STAU1: variants seen among roughly 807,000 people sequenced by gnomAD.
STAU1 encodes staufen double-stranded RNA binding protein 1.
In STAU1, 13 loss-of-function variants were observed where a neutral mutation model predicts 62.9. The ratio of observed to expected loss-of-function variants is 0.21; its 90% CI spans 0.13 to 0.33. The LOEUF is 0.33. STAU1 is among the 10% of genes least tolerant of loss of function. The pLI is 1.00. For missense variants in STAU1, 571 were observed against 712.1 expected (o/e 0.80, Z 2.25); for synonymous variants, 269 against 265.1 (o/e 1.01, Z -0.14).
intron 4 of STAU1, among the ~76,000 whole-genome samples, chr20:49,153,279 G>A (rs1434882120): frequency 1.5e-5 from 2 of 133,268 alleles, no homozygotes; most frequent in Admixed American, 7.5e-5. Flanking sequence ...GAAGCACAAA[G>A]GGCCGGGTGT....
At chr20:49,157,181 A>G (rs1385927220) in intron 3 of STAU1, among the ~76,000 whole-genome samples, 1 of 151,960 alleles carries the variant, frequency 6.6e-6, no homozygotes, top group Non-Finnish European at 1.5e-5. Context: ...CCAGCCTCAA[A>G]ATTCTCTTCC....
intron 1 of STAU1, among the ~76,000 whole-genome samples, chr20:49,178,214 C>CT (rs1205112747): frequency 6.6e-6 from 1 of 152,190 alleles, no homozygotes; most frequent in African/African-American, 2.4e-5. Flanking sequence ...ATATGCAAAT[C>CT]TATTTTTTGA....
chr20:49,157,590 C>T (rs748858914), intron 3 of STAU1, among the ~76,000 whole-genome samples: 21 of 152,118 alleles, frequency 1.4e-4, no homozygotes, highest in Admixed American at 2.6e-4. Flanking sequence ...AGCGATTCTC[C>T]TGCCTCAGCC....
chr20:49,160,120 T>A (rs555251244), intron 3 of STAU1, among the ~76,000 whole-genome samples: 2 of 152,196 alleles, frequency 1.3e-5, no homozygotes, highest in Non-Finnish European at 2.9e-5. Context: ...GTGGGTATTA[T>A]CCCTGTTTTA....
At position 49,170,072 on chromosome 20, in the gene STAU1, A is replaced by G. The variant is rs576467268; in HGVS notation, c.-84-3787T>C. On this transcript the variant is annotated intron_variant, in intron 2 of 13. Transcript: ENST00000371856. Reference sequence around the variant, plus strand: ...AGGAGAATCTGGGCACATGAGCGCTACGAAAGTTTTTTTTAAATTATACAT... The same window carrying G: ...AGGAGAATCTGGGCACATGAGCGCTGCGAAAGTTTTTTTTAAATTATACAT... 2.0e-5 allele frequency among the ~76,000 whole-genome samples: 3 copies of G among 152,282 alleles called. No individual in the cohort carries two copies. In the East Asian group the frequency reaches 5.8e-4, roughly 29 times the overall value.
chr20:49,126,577 A>AAAAAAAAAC (rs1555837193), intron 6 of STAU1, among the ~76,000 whole-genome samples: 3 of 35,070 alleles, frequency 8.6e-5, no homozygotes, highest in African/African-American at 2.9e-4. Context: ...CAAAAAGCAA[A>AAAAAAAAAC]AAAAAAAAAA....
chr20:49,149,726 C>T lies in STAU1; in HGVS notation c.510+1856G>A, dbSNP rs1013900551. Among the ~76,000 whole-genome samples, 7 of 152,124 alleles carry T rather than the reference C, an allele frequency of 4.6e-5. No homozygotes were observed. In the East Asian group the frequency reaches 1.3e-3, roughly 29 times the overall value. On this transcript the variant is annotated intron_variant, in intron 5 of 13. Coordinates refer to ENST00000371856, the MANE Select transcript of STAU1 (RefSeq NM_017453.4). ...TCTTTGATTTGGTCCTTAGTGAGCCCTGGAAACAGATCATCTGTTAGAATA... is the reference window on the plus strand; with the variant it reads ...TCTTTGATTTGGTCCTTAGTGAGCCTTGGAAACAGATCATCTGTTAGAATA...
At chr20:49,213,854 T>G in the STAU1 span, among the ~76,000 whole-genome samples, 8 of 152,204 alleles carry the variant, frequency 5.3e-5, no homozygotes, top group Non-Finnish European at 1.2e-4. Flanking sequence ...CACGAAAAGA[T>G]CAAGGCTTGC....
upstream of STAU1, among the ~76,000 whole-genome samples, chr20:49,193,363 C>T (rs2093833581): frequency 6.6e-6 from 1 of 151,394 alleles, no homozygotes; most frequent in Admixed American, 6.6e-5. Flanking sequence ...GCCAACAGAG[C>T]AAGACTCTGT....
the STAU1 span, among the ~76,000 whole-genome samples, chr20:49,209,088 G>A: frequency 4.6e-5 from 7 of 151,350 alleles, no homozygotes; most frequent in African/African-American, 9.7e-5. Flanking sequence ...GGCACATACC[G>A]CCACGCCCAG....
chr20:49,195,641 C>A, the STAU1 span, among the ~76,000 whole-genome samples: 1 of 150,822 alleles, frequency 6.6e-6, no homozygotes, highest in African/African-American at 2.4e-5. Context: ...CCGTGGCTCA[C>A]GCCTGTAATC....
chr20:49,152,383 G>A (rs1389991286), intron 4 of STAU1, among the ~76,000 whole-genome samples: 4 of 99,686 alleles, frequency 4.0e-5, no homozygotes, highest in Admixed American at 1.3e-4. Flanking sequence ...TTCTCTTGTT[G>A]CCCAGGCTGG....
chr20:49,207,161 G>A, the STAU1 span, among the ~76,000 whole-genome samples: 1 of 152,054 alleles, frequency 6.6e-6, no homozygotes, highest in Admixed American at 6.6e-5. Context: ...AAGAATTTGA[G>A]GCTGCAGCGA....
intron 5 of STAU1, among the ~76,000 whole-genome samples, chr20:49,144,234 A>G (rs1454514364): frequency 6.6e-6 from 1 of 152,206 alleles, no homozygotes; most frequent in Non-Finnish European, 1.5e-5. Flanking sequence ...ATAAGTGGTA[A>G]GAAATAAATG....
the STAU1 span, among the ~76,000 whole-genome samples, chr20:49,195,904 A>AAAAAAAAAAAAAAAAG: frequency 0.031 from 2,927 of 94,626 alleles, 101 homozygotes; most frequent in Non-Finnish European, 0.049. Flanking sequence ...CTCTCAAAAA[A>AAAAAAAAAAAAAAAAG]AAAAAAAAAA....
At chr20:49,154,173 T>A in intron 3 of STAU1, 102 bp from the exon 4 acceptor site, 1 of 1,261,274 alleles carries the variant, frequency 7.9e-7, no homozygotes, top group South Asian at 1.7e-5. Context: ...GGATTCATGA[T>A]ACTTTACATA....
Position 49,124,349 on chromosome 20 carries a change from C to T in STAU1, c.822+26G>A, listed in dbSNP as rs963610481. 5 of 1,609,624 alleles carry T rather than the reference C, an allele frequency of 3.1e-6. No homozygotes were observed. The African/African-American group carries it at 4.0e-5, about 13-fold the overall frequency. On this transcript the variant is annotated intron_variant, in intron 7 of 13. Transcript: ENST00000371856. ...CACCCATCTATAAGTAATGAAAACA[C>T]CTTCTGTGTTCAGAAAAGTTCTCAC...
At chr20:49,137,855 T>C (rs2092923436) in intron 5 of STAU1, among the ~76,000 whole-genome samples, 1 of 130,812 alleles carries the variant, frequency 7.6e-6, no homozygotes, top group Non-Finnish European at 1.7e-5. Context: ...TTTTTTTGTA[T>C]CTTTAGCACA....
In STAU1 at chr20:49,124,414, TACTCGTTCA is replaced by T; in HGVS notation, c.774_782del (p.Glu259_Val261del). 6.2e-7 allele frequency: 1 copy of T among 1,614,240 alleles called. No homozygotes were observed. Among genetic ancestry groups the T allele is most frequent in the Non-Finnish European group, 8.5e-7 (1 of 1,180,050 alleles). ...TTGTTTTCTTTTTGATTCTAGGCTTTACTCGTTCAACTGCAGGCAGGGGCGGTAACTTCT... is the reference window on the plus strand; with the variant it reads ...TTGTTTTCTTTTTGATTCTAGGCTTTACTGCAGGCAGGGGCGGTAACTTCT... On this transcript the variant is annotated inframe_deletion, in exon 7 of 14. Coordinates refer to ENST00000371856, the MANE Select transcript of STAU1 (RefSeq NM_017453.4).
Sources: gnomAD v4.1 joint callset for allele counts (sites outside exome capture counted in the v4.1 genomes callset) on GRCh38, gnomAD v4.1.1 for gene constraint, MANE v1.5 for transcripts, NCBI Gene and HGNC (gene_info 2026-07-23, HGNC 2026-07-21) for gene names.